Variants in PTPRT observed in about 807,000 individuals in gnomAD.
PTPRT encodes the protein receptor-type tyrosine-protein phosphatase T.
A neutral mutation model predicts 176.8 loss-of-function variants in PTPRT; 56 were observed. That is an observed-to-expected ratio of 0.32 (90% CI 0.26 to 0.40). The LOEUF (loss-of-function observed/expected upper bound fraction) is 0.40, where lower values mean the gene tolerates loss of function less well. PTPRT is among the 10% of genes least tolerant of loss of function. PTPRT has a pLI of 1.00. For missense variants in PTPRT, 1,540 were observed against 1,908.2 expected (o/e 0.81, Z 3.60); for synonymous variants, 783 against 739.0 (o/e 1.06, Z -0.96).
chr20:42,206,362 C>G (rs1191081578), intron 15 of PTPRT, among the ~76,000 whole-genome samples: 1 of 152,210 alleles, frequency 6.6e-6, no homozygotes, highest in African/African-American at 2.4e-5. Flanking sequence ...GCATTTCCAT[C>G]TGAGGTACCG....
At position 42,615,539 on chromosome 20, in the gene PTPRT, T is replaced by A. The variant is rs1190658040; in HGVS notation, c.1153+62327A>T. ...TGACTTCTACAATGGTTGAACTGGA[T>A]TACAGTCCCACCAACAGTGTAAAAG... On this transcript the variant is annotated intron_variant, in intron 7 of 30. Transcript: ENST00000373187. Among the ~76,000 whole-genome samples, 10 of 138,534 alleles carry A rather than the reference T, an allele frequency of 7.2e-5. 3 individuals are homozygous for A. The highest frequency in any genetic ancestry group is 2.5e-4 in the African/African-American group (8 of 31,870). 90.9% of individuals were successfully genotyped at this position (138,534 alleles called of 152,430 possible). A position where few individuals can be genotyped will look rare whatever the true frequency, so the allele number is the denominator to read the frequency against.
At chr20:42,348,617 G>A (rs1292001661) in intron 11 of PTPRT, among the ~76,000 whole-genome samples, 2 of 152,064 alleles carry the variant, frequency 1.3e-5, no homozygotes, top group African/African-American at 4.8e-5. Context: ...ATACAATGTT[G>A]CGAGAATACA....
chr20:42,870,934 T>G (rs2078834267), intron 2 of PTPRT, among the ~76,000 whole-genome samples: 1 of 151,856 alleles, frequency 6.6e-6, no homozygotes. Context: ...TGATTAGTGA[T>G]GCTAAACATA....
intron 2 of PTPRT, among the ~76,000 whole-genome samples, chr20:42,816,714 G>C (rs923276144): frequency 6.6e-6 from 1 of 152,190 alleles, no homozygotes; most frequent in South Asian, 2.1e-4. Context: ...TGCCATGATT[G>C]TAAGTTTCCT....
At chr20:42,746,464 C>T (rs906409821) in intron 6 of PTPRT, among the ~76,000 whole-genome samples, 1 of 152,076 alleles carries the variant, frequency 6.6e-6, no homozygotes, top group African/African-American at 2.4e-5. Context: ...ATTTTCATAG[C>T]CATGGCCTCT....
intron 7 of PTPRT, among the ~76,000 whole-genome samples, chr20:42,636,606 A>G (rs1251911348): frequency 4.0e-5 from 6 of 151,850 alleles, no homozygotes; most frequent in Non-Finnish European, 8.8e-5. Context: ...CCAACACGGT[A>G]AAACACTGTC....
chr20:42,751,486 T>C (rs1015155807), intron 6 of PTPRT, among the ~76,000 whole-genome samples: 4 of 152,122 alleles, frequency 2.6e-5, no homozygotes, highest in Non-Finnish European at 5.9e-5. Flanking sequence ...AAATGAAGGA[T>C]GCAAAGTATT....
At chr20:42,512,590 A>G (rs536559758) in intron 7 of PTPRT, among the ~76,000 whole-genome samples, 2 of 152,250 alleles carry the variant, frequency 1.3e-5, no homozygotes, top group East Asian at 1.9e-4. Flanking sequence ...ATATTTGCGT[A>G]TTTATTTTGG....
At chr20:42,319,687 CA>C (rs1342030004) in intron 11 of PTPRT, among the ~76,000 whole-genome samples, 1 of 152,180 alleles carries the variant, frequency 6.6e-6, no homozygotes, top group Admixed American at 6.5e-5. Context: ...CCTTTCCTGA[CA>C]CTTTTTAGGA....
chr20:42,378,253 A>G (rs1310106259), intron 9 of PTPRT, among the ~76,000 whole-genome samples: 1 of 152,164 alleles, frequency 6.6e-6, no homozygotes, highest in Non-Finnish European at 1.5e-5. Context: ...CCAGATAAAC[A>G]TCTCTTAAAT....
chr20:42,328,793 T>G (rs1187362772), intron 11 of PTPRT, among the ~76,000 whole-genome samples: 1 of 152,140 alleles, frequency 6.6e-6, no homozygotes, highest in African/African-American at 2.4e-5. Context: ...CCCGGAAAGC[T>G]CTACCCAAAG....
chr20:42,344,191 G>A (rs1425480100), intron 11 of PTPRT, among the ~76,000 whole-genome samples: 4 of 152,132 alleles, frequency 2.6e-5, no homozygotes, highest in African/African-American at 9.7e-5. Flanking sequence ...TGAGGCATCA[G>A]GCCCAGCCCC....
chr20:42,185,358 G>A (rs975409095), intron 16 of PTPRT, among the ~76,000 whole-genome samples: 3 of 152,086 alleles, frequency 2.0e-5, no homozygotes, highest in Non-Finnish European at 2.9e-5. Context: ...ATTTGTATGT[G>A]GTCTGAAGAT....
intron 27 of PTPRT, among the ~76,000 whole-genome samples, chr20:42,088,756 G>T (rs1984293118): frequency 6.6e-6 from 1 of 152,176 alleles, no homozygotes; most frequent in Admixed American, 6.5e-5. Context: ...TGCAAAACCT[G>T]AAATATTTCC....
chr20:42,742,008 A>G (rs1358727582), intron 6 of PTPRT, among the ~76,000 whole-genome samples: 1 of 152,230 alleles, frequency 6.6e-6, no homozygotes, highest in Non-Finnish European at 1.5e-5. Flanking sequence ...AACTTGGGAC[A>G]AACATTGAAG....
At chr20:42,041,443 C>T in the PTPRT span, among the ~76,000 whole-genome samples, 1 of 152,188 alleles carries the variant, frequency 6.6e-6, no homozygotes, top group African/African-American at 2.4e-5. Context: ...CTCCTAGAAA[C>T]TCCTCAGTTC....
At chr20:42,974,818 T>G (rs1448023368) in intron 1 of PTPRT, among the ~76,000 whole-genome samples, 1 of 152,228 alleles carries the variant, frequency 6.6e-6, no homozygotes, top group Admixed American at 6.5e-5. Flanking sequence ...TATAAGCTAT[T>G]TCCAGCACTA....
intron 15 of PTPRT, among the ~76,000 whole-genome samples, chr20:42,222,114 G>T (rs1021170340): frequency 1.3e-5 from 2 of 152,140 alleles, no homozygotes; most frequent in Admixed American, 1.3e-4. Context: ...TGGGGCAGGG[G>T]CTGTAATACT....
chr20:42,202,338 T>A (rs1240197149), intron 15 of PTPRT, among the ~76,000 whole-genome samples: 1 of 152,164 alleles, frequency 6.6e-6, no homozygotes, highest in East Asian at 1.9e-4. Context: ...AATGGAATTC[T>A]TTATTCACTA....
Sources: allele counts gnomAD v4.1 joint callset (sites outside exome capture counted in the v4.1 genomes callset), GRCh38; gene constraint gnomAD v4.1.1; transcripts MANE v1.5; gene names NCBI Gene and HGNC (gene_info 2026-07-23, HGNC 2026-07-21).